SHANK2: variants seen among roughly 807,000 people sequenced by gnomAD.
The protein encoded by SHANK2 is SH3 and multiple ankyrin repeat domains protein 2.
A neutral mutation model predicts 133.7 loss-of-function variants in SHANK2; 43 were observed. The observed-to-expected ratio is 0.32, with a 90% confidence interval of 0.25 to 0.41. The LOEUF is 0.41. SHANK2 is among the 10% of genes least tolerant of loss of function. SHANK2 has a pLI of 1.00. For missense variants in SHANK2, 1,994 were observed against 2,235.8 expected, an observed-to-expected ratio of 0.89 and a Z score of 2.18; for synonymous variants, 1,017 against 952.8, an observed-to-expected ratio of 1.07 and a Z score of -1.24.
intron 11 of SHANK2, among the ~76,000 whole-genome samples, chr11:70,837,953 A>C (rs1322884136): frequency 6.8e-6 from 1 of 147,566 alleles, no homozygotes; most frequent in Non-Finnish European, 1.5e-5. Context: ...CAGCCTGGGC[A>C]ACAGAGCAAA....
chr11:71,192,671 A>C (rs1224430120), intron 2 of SHANK2, among the ~76,000 whole-genome samples: 4 of 152,212 alleles, frequency 2.6e-5, no homozygotes, highest in African/African-American at 9.7e-5. Flanking sequence ...AAAATGACCT[A>C]ATCAATCCAA....
chr11:71,175,870 T>C lies in SHANK2; in HGVS notation c.-12-28532A>G, dbSNP rs1367090136. On this transcript the variant is annotated intron_variant, in intron 2 of 25. Transcript: ENST00000601538. The surrounding 1 kb of genome is among the most constrained non-coding windows in gnomAD (Gnocchi z 4.2). ...AGGCAAACTCCCAGAGTGGAGGCGA[T>C]GGGGCTGAGAACACAGGAAGGCCAA... 1.3e-5 allele frequency among the ~76,000 whole-genome samples: 2 copies of C among 152,008 alleles called. No homozygotes were observed. The highest frequency in any genetic ancestry group is 2.9e-5 in the Non-Finnish European group (2 of 68,014).
intron 2 of SHANK2, among the ~76,000 whole-genome samples, chr11:71,216,822 T>C (rs1274271397): frequency 1.3e-5 from 2 of 152,230 alleles, no homozygotes; most frequent in Admixed American, 6.5e-5. Flanking sequence ...TGTAGGTACA[T>C]AGTACTCAAT....
chr11:71,137,903 G>A (rs180941749), intron 3 of SHANK2, among the ~76,000 whole-genome samples: 2 of 152,048 alleles, frequency 1.3e-5, no homozygotes, highest in South Asian at 2.1e-4. Flanking sequence ...GCAAAGCATC[G>A]AAACGCAGCT....
At chr11:70,801,174 T>C (rs1555050413) in intron 13 of SHANK2, among the ~76,000 whole-genome samples, 1 of 152,210 alleles carries the variant, frequency 6.6e-6, no homozygotes, top group African/African-American at 2.4e-5. Flanking sequence ...TCCAGGAGAA[T>C]CACACCTTTT....
In SHANK2 at chr11:70,740,540, C is replaced by T. The variant is rs544915162; in HGVS notation, c.1778-41777G>A. On this transcript the variant is annotated intron_variant, in intron 14 of 25. Coordinates refer to ENST00000601538, the MANE Select transcript of SHANK2 (RefSeq NM_012309.5). ...GGGAGTAGCTGAAGCGCCCTCATCCCCTGGGGTGATGCGTCAGAGGAACTG... is the reference window on the plus strand; with the variant it reads ...GGGAGTAGCTGAAGCGCCCTCATCCTCTGGGGTGATGCGTCAGAGGAACTG... Among the ~76,000 whole-genome samples, 11 of 152,298 alleles carry T rather than the reference C, an allele frequency of 7.2e-5. No homozygotes were observed. In the South Asian group the frequency reaches 2.3e-3, roughly 32 times the overall value.
At chr11:71,218,043 G>A (rs1954450431) in intron 2 of SHANK2, among the ~76,000 whole-genome samples, 1 of 151,440 alleles carries the variant, frequency 6.6e-6, no homozygotes, top group Non-Finnish European at 1.5e-5. Context: ...GAAGAAAGAG[G>A]GTTTCACCGT....
intron 7 of SHANK2, 53 bp downstream of exon 7, chr11:71,094,484 C>T (rs868934360): frequency 6.4e-5 from 97 of 1,513,908 alleles, no homozygotes; most frequent in Middle Eastern, 5.5e-4. Flanking sequence ...ATGGGGCAGC[C>T]GCACGGAATC....
intron 11 of SHANK2, among the ~76,000 whole-genome samples, chr11:70,836,907 G>C (rs1267121906): frequency 6.6e-6 from 1 of 152,226 alleles, no homozygotes; most frequent in African/African-American, 2.4e-5. Flanking sequence ...GGTTGGATGA[G>C]GTCAAGGAGG....
At chr11:70,884,165 C>T (rs1375052087) in intron 11 of SHANK2, among the ~76,000 whole-genome samples, 4 of 152,196 alleles carry the variant, frequency 2.6e-5, no homozygotes, top group African/African-American at 9.7e-5. Flanking sequence ...AGTAGTGTTT[C>T]CCACCAGGCT....
intron 2 of SHANK2, among the ~76,000 whole-genome samples, chr11:71,214,337 A>G (rs1038872280): frequency 3.5e-4 from 54 of 152,206 alleles, no homozygotes; most frequent in African/African-American, 1.3e-3. Flanking sequence ...GCAGGTGAGG[A>G]ACCGCGTGCT....
intron 2 of SHANK2, among the ~76,000 whole-genome samples, chr11:71,182,546 G>A (rs182432666): frequency 8.7e-4 from 132 of 152,290 alleles, no homozygotes; most frequent in Non-Finnish European, 1.7e-3. Flanking sequence ...TTGGCTGGTA[G>A]GTGACCATCT....
chr11:70,767,548 A>G (rs1320759571), intron 14 of SHANK2, among the ~76,000 whole-genome samples: 1 of 152,132 alleles, frequency 6.6e-6, no homozygotes, highest in Non-Finnish European at 1.5e-5. Flanking sequence ...GTACCACCAC[A>G]ACGCCACAAT....
intron 14 of SHANK2, among the ~76,000 whole-genome samples, chr11:70,701,870 C>T (rs1042487167): frequency 6.6e-6 from 1 of 152,040 alleles, no homozygotes; most frequent in African/African-American, 2.4e-5. Flanking sequence ...TCATTATCAC[C>T]ATCACCACTC....
chr11:70,896,534 C>T lies in SHANK2; in HGVS notation c.1141G>A (p.Glu381Lys), dbSNP rs1240565369. 1.4e-6 allele frequency: 1 copy of T among 719,056 alleles called. No individual in the cohort carries two copies. Among genetic ancestry groups the T allele is most frequent in the African/African-American group, 1.7e-5 (1 of 57,378 alleles). The allele number at this position is 719,056 out of a possible 1,614,324, so 44.5% of individuals were successfully genotyped here. A position where few individuals can be genotyped will look rare whatever the true frequency, so the allele number is the denominator to read the frequency against. ...GTTTCCTTGTGGTTCTTGATGTATT[C>T]TGCCAGCTCAAAGTTGCCTGCTATT... ...AIIAGNFELAEYIKNHKETDI... is the reference protein window; with the variant it reads ...AIIAGNFELAKYIKNHKETDI... The change falls in exon 11 of 26, where the codon GAA becomes AAA. Residue 381 changes from glutamate to lysine, a missense_variant. Physicochemically the swap from Glu to Lys is moderately conservative, Grantham distance 56. Transcript: ENST00000601538.
chr11:70,823,755 G>A (rs116470794), intron 11 of SHANK2, among the ~76,000 whole-genome samples: 2,652 of 147,438 alleles, frequency 0.018, 83 homozygotes, highest in African/African-American at 0.064. Context: ...CGTTGGCAGC[G>A]TTCATGGGGG....
At chr11:70,730,385 T>C (rs1352142803) in intron 14 of SHANK2, among the ~76,000 whole-genome samples, 13 of 152,086 alleles carry the variant, frequency 8.5e-5, no homozygotes, top group Admixed American at 8.5e-4. Context: ...ATTGTCCCCA[T>C]GATCTCATCA....
intron 25 of SHANK2, among the ~76,000 whole-genome samples, chr11:70,482,296 G>A (rs984401802): frequency 1.3e-5 from 2 of 151,192 alleles, no homozygotes; most frequent in African/African-American, 2.4e-5. Flanking sequence ...TGCTGTTATC[G>A]GCCGCAGGGT....
chr11:70,700,664 T>A (rs1459329981), intron 14 of SHANK2, among the ~76,000 whole-genome samples: 1 of 152,076 alleles, frequency 6.6e-6, no homozygotes, highest in East Asian at 1.9e-4. Flanking sequence ...CTTGCACAGG[T>A]CCAATTCCAA....
Sources: allele counts gnomAD v4.1 joint callset (sites outside exome capture counted in the v4.1 genomes callset), GRCh38; gene constraint gnomAD v4.1.1; non-coding constraint Gnocchi (gnomAD v3.1); transcripts MANE v1.5; gene names NCBI Gene and HGNC (gene_info 2026-07-23, HGNC 2026-07-21).